SAMD7: variants seen among roughly 807,000 people sequenced by gnomAD.
SAMD7 encodes the protein sterile alpha motif domain containing 7.
SAMD7 carries 34 observed loss-of-function variants against 36.7 expected under a neutral mutation model. The ratio of observed to expected loss-of-function variants is 0.93; its 90% CI spans 0.71 to 1.23. The LOEUF (loss-of-function observed/expected upper bound fraction) is 1.23, where lower values mean the gene tolerates loss of function less well. SAMD7 is among the 50% of genes most tolerant of loss of function. The pLI, the probability that SAMD7 is intolerant of heterozygous loss-of-function variation, is 0.00. For missense variants in SAMD7, 570 were observed against 546.6 expected, an observed-to-expected ratio of 1.04 and a Z score of -0.43; for synonymous variants, 188 against 189.7, an observed-to-expected ratio of 0.99 and a Z score of 0.07.
At chr3:169,936,968 G>A (rs1158731067) in intron 8 of SAMD7, among the ~76,000 whole-genome samples, 2 of 152,150 alleles carry the variant, frequency 1.3e-5, no homozygotes, top group African/African-American at 4.8e-5. Flanking sequence ...AACGTCAAGA[G>A]CAGAAGTAAT....
intron 4 of SAMD7, among the ~76,000 whole-genome samples, chr3:169,923,281 C>A (rs1472509804): frequency 6.6e-6 from 1 of 152,162 alleles, no homozygotes; most frequent in East Asian, 1.9e-4. Context: ...GCAGTGAGAG[C>A]AAGCATCCAA....
chr3:169,925,137 G>A lies in SAMD7; in HGVS notation c.290+1G>A, dbSNP rs372640496. 2 of 1,597,206 alleles carry A rather than the reference G, an allele frequency of 1.3e-6. No homozygotes were observed. Among genetic ancestry groups the A allele is most frequent in the Non-Finnish European group, 1.7e-6 (2 of 1,168,966 alleles). ...TGATTCAACGGCATCATACTGCCAG[G>A]TAATTTGGCAATGTTGTTTTATTTA... On this transcript the variant is annotated splice_donor_variant, in intron 5 of 8. Transcript: ENST00000335556. LOFTEE classifies it high-confidence loss of function.
intron 7 of SAMD7, chr3:169,932,838 C>A: frequency 1.7e-6 from 1 of 597,426 alleles, no homozygotes; most frequent in Non-Finnish European, 3.2e-6. Context: ...ACCATTAACA[C>A]AGCTGTCTTT....
At chr3:169,928,913 T>C (rs1214156914) in intron 7 of SAMD7, among the ~76,000 whole-genome samples, 1 of 152,212 alleles carries the variant, frequency 6.6e-6, no homozygotes, top group Admixed American at 6.5e-5. Flanking sequence ...CATTCCCTAC[T>C]TATCCACATA....
chr3:169,921,011 A>G lies in SAMD7; in HGVS notation c.87-203A>G, dbSNP rs898517420. On this transcript the variant is annotated intron_variant, in intron 3 of 8. Coordinates refer to ENST00000335556, the MANE Select transcript of SAMD7 (RefSeq NM_001304366.2). ...TTCTCATTTTGTTGTCAGCTGGGTCAATCCTTCGTTAGTGGAGTACTTCCC... is the reference window on the plus strand; with the variant it reads ...TTCTCATTTTGTTGTCAGCTGGGTCGATCCTTCGTTAGTGGAGTACTTCCC... 2.0e-5 allele frequency among the ~76,000 whole-genome samples: 3 copies of G among 152,216 alleles called. No individual in the cohort carries two copies. The East Asian group carries it at 5.8e-4, about 29-fold the overall frequency.
chr3:169,935,054 G>A (rs1713671721), intron 7 of SAMD7, among the ~76,000 whole-genome samples: 2 of 152,164 alleles, frequency 1.3e-5, no homozygotes, highest in Non-Finnish European at 2.9e-5. Context: ...GGAAGCCTGA[G>A]GAAAGCCGGC....
At chr3:169,924,965 A>G in intron 4 of SAMD7, 93 bp from the exon 5 acceptor site, 1 of 757,066 alleles carries the variant, frequency 1.3e-6, no homozygotes, top group Non-Finnish European at 2.1e-6. Context: ...TTTTTTTCAG[A>G]TACTGTTTTA....
At position 169,928,455 on chromosome 3, in the gene SAMD7, A is replaced by G. The variant is rs755751775; in HGVS notation, c.920-2A>G. 79 of 1,610,122 alleles carry G rather than the reference A, an allele frequency of 4.9e-5. No homozygotes were observed. The highest frequency in any genetic ancestry group is 6.5e-5 in the Non-Finnish European group (77 of 1,176,650). On this transcript the variant is annotated splice_acceptor_variant, in intron 6 of 8. Transcript: ENST00000335556. LOFTEE classifies it high-confidence loss of function. Reference sequence around the variant, plus strand: ...ATGCCACAATTTCTTTCCATTTTAAAGGAACACATGCACTGGTTACAATTG... The same window carrying G: ...ATGCCACAATTTCTTTCCATTTTAAGGGAACACATGCACTGGTTACAATTG...
chr3:169,914,150 T>C (rs1029402629), intron 1 of SAMD7, among the ~76,000 whole-genome samples: 3 of 152,170 alleles, frequency 2.0e-5, no homozygotes, highest in African/African-American at 7.2e-5. Context: ...TTGTAGCAAA[T>C]GTACACTCTG....
Position 169,927,999 on chromosome 3 carries a change from T to TA in SAMD7, c.920-449dup, listed in dbSNP as rs201869733. Among the ~76,000 whole-genome samples, 1,139 of 151,776 alleles carry TA rather than the reference T, an allele frequency of 7.5e-3. 20 individuals are homozygous for TA. Among genetic ancestry groups the TA allele is most frequent in the African/African-American group, 0.026 (1,087 of 41,414 alleles). ...AATAGTTTTCTAGCACTCCTTTAGA[T>TA]AAAAAAAAATATATTTTAAGACACA... On this transcript the variant is annotated intron_variant, in intron 6 of 8. Transcript: ENST00000335556.
intron 4 of SAMD7, among the ~76,000 whole-genome samples, chr3:169,924,242 A>G (rs1713164418): frequency 6.6e-6 from 1 of 151,992 alleles, no homozygotes; most frequent in Non-Finnish European, 1.5e-5. Flanking sequence ...TTCAAGATAG[A>G]TTATTGGTAG....
At chr3:169,926,265 C>T in intron 5 of SAMD7, 1 of 1,360,740 alleles carries the variant, frequency 7.3e-7, no homozygotes, top group Non-Finnish European at 9.6e-7. Context: ...TAATCTCTGG[C>T]AAGGAACTAG....
At chr3:169,921,525 G>T (rs976784864) in intron 4 of SAMD7, among the ~76,000 whole-genome samples, 187 bp downstream of exon 4, 28 of 152,208 alleles carry the variant, frequency 1.8e-4, no homozygotes, top group African/African-American at 6.8e-4. Context: ...AGTGTAAGCT[G>T]CTTGACTCCT....
intron 7 of SAMD7, among the ~76,000 whole-genome samples, chr3:169,929,795 A>G (rs376214023): frequency 7.9e-5 from 12 of 152,350 alleles, no homozygotes; most frequent in African/African-American, 2.6e-4. Context: ...TTACTTATGA[A>G]GCAAGTTGTG....
At position 169,926,640 on chromosome 3, in the gene SAMD7, C is replaced by T; in HGVS notation, c.378C>T (p.Phe126=). The T allele has an allele frequency of 6.2e-7, 1 of 1,613,954 alleles. No individual in the cohort carries two copies. Among genetic ancestry groups the T allele is most frequent in the Non-Finnish European group, 8.5e-7 (1 of 1,179,936 alleles). The change falls in exon 6 of 9, where the codon TTC becomes TTT. Residue 126 remains phenylalanine, a synonymous_variant. Transcript: ENST00000335556. Reference sequence around the variant, plus strand: ...GACTAGCAGGCCTAGGGATACCCTTCCTCTATGGCTCCAGTGTCCCAGCTG... The same window carrying T: ...GACTAGCAGGCCTAGGGATACCCTTTCTCTATGGCTCCAGTGTCCCAGCTG... ...PKGLAGLGIP[F]LYGSSVPAAP...
At chr3:169,920,789 A>G (rs1421117439) in intron 3 of SAMD7, among the ~76,000 whole-genome samples, 1 of 152,180 alleles carries the variant, frequency 6.6e-6, no homozygotes, top group Non-Finnish European at 1.5e-5. Flanking sequence ...TCTAGAGACC[A>G]CTAAAGTTTA....
chr3:169,932,085 T>C (rs2241299), intron 7 of SAMD7: 37,343 of 519,132 alleles, frequency 0.072, 1,646 homozygotes, highest in Middle Eastern at 0.15. Context: ...CTTAGATACA[T>C]CAACTGCCAA....
intron 1 of SAMD7, among the ~76,000 whole-genome samples, chr3:169,912,224 C>T (rs182533083): frequency 1.7e-3 from 253 of 152,086 alleles, no homozygotes; most frequent in African/African-American, 5.8e-3. Context: ...TTTAATGGCC[C>T]CCCATTACTA....
intron 7 of SAMD7, chr3:169,932,241 T>G: frequency 1.2e-6 from 1 of 851,158 alleles, no homozygotes; most frequent in South Asian, 1.3e-5. Context: ...AAGTGTACTG[T>G]GAAGAGACAC....
Sources: gnomAD v4.1 joint callset for allele counts (sites outside exome capture counted in the v4.1 genomes callset) on GRCh38, gnomAD v4.1.1 for gene constraint, MANE v1.5 for transcripts, NCBI Gene and HGNC (gene_info 2026-07-23, HGNC 2026-07-21) for gene names.